Variants in NTSR2 observed in about 807,000 individuals in gnomAD.
The protein encoded by NTSR2 is neurotensin receptor 2.
Under a neutral mutation model 24.1 loss-of-function variants are expected in NTSR2, and 22 were observed. The observed-to-expected ratio is 0.91, with a 90% confidence interval of 0.65 to 1.30. NTSR2 has a LOEUF of 1.30. Ranked by LOEUF, NTSR2 falls within the 50% of genes most tolerant of loss-of-function variation. NTSR2 has a pLI of 0.00. For missense variants in NTSR2, 570 were observed against 570.4 expected (o/e 1.00, Z 0.01); for synonymous variants, 291 against 267.0 (o/e 1.09, Z -0.88).
intron 2 of NTSR2, 57 bp from the exon 3 acceptor site, chr2:11,660,190 T>C: frequency 7.4e-7 from 1 of 1,360,498 alleles, no homozygotes. Flanking sequence ...ACATTCTCAG[T>C]TACACCATTG....
rs540167888 is a variant in NTSR2 at position 11,667,220 on chromosome 2, C to A, written c.624+2286G>T. Among the ~76,000 whole-genome samples the A allele has an allele frequency of 1.1e-4, 17 of 152,326 alleles. No individual in the cohort carries two copies. In the South Asian group the frequency reaches 2.9e-3, roughly 26 times the overall value. On this transcript the variant is annotated intron_variant, in intron 1 of 3. Transcript: ENST00000306928. ...TCCTTGCTTCAATTTTTTATTTTGG[C>A]TGAAGTTGCCTCCAGTTCTGTTTCC...
Position 11,658,370 on chromosome 2 carries a change from TCGC to T in NTSR2, c.*106_*108del. 1 of 1,453,580 alleles carries T rather than the reference TCGC, an allele frequency of 6.9e-7. No homozygotes were observed. Among genetic ancestry groups the T allele is most frequent in the South Asian group, 1.4e-5 (1 of 72,296 alleles). The allele number at this position is 1,453,580 out of a possible 1,614,324, so 90.0% of individuals were successfully genotyped here. A position where few individuals can be genotyped will look rare whatever the true frequency, so the allele number is the denominator to read the frequency against. On this transcript the variant is annotated 3_prime_UTR_variant, in exon 4 of 4. Transcript: ENST00000306928. ...TCAGCAGAGCAGGGGTTGATAGAAG[TCGC>T]CCTGGCTGCGAAGCTTGAATGATTA...
chr2:11,669,459 C>CGGGGGGGGGGGGGGGGGGGG, intron 1 of NTSR2, 47 bp downstream of exon 1: 125 of 337,868 alleles, frequency 3.7e-4, no homozygotes, highest in East Asian at 7.7e-4. Flanking sequence ...CTCCCAGCAC[C>CGGGGGGGGGGGGGGGGGGGG]GCCCCCCCAC....
intron 1 of NTSR2, among the ~76,000 whole-genome samples, chr2:11,666,757 G>T (rs1175276923): frequency 6.6e-6 from 1 of 152,106 alleles, no homozygotes; most frequent in Non-Finnish European, 1.5e-5. Flanking sequence ...TTAAAGAGAG[G>T]CCAGGGGTGG....
chr2:11,666,565 G>A (rs1355111521), intron 1 of NTSR2, among the ~76,000 whole-genome samples: 4 of 152,118 alleles, frequency 2.6e-5, no homozygotes, highest in Non-Finnish European at 5.9e-5. Context: ...TGGGCGTGGT[G>A]GCACGTGCCT....
intron 3 of NTSR2, among the ~76,000 whole-genome samples, chr2:11,659,687 G>T (rs117237899): frequency 6.6e-6 from 1 of 152,182 alleles, no homozygotes; most frequent in African/African-American, 2.4e-5. Context: ...TCGCACCTTT[G>T]TGTCTTCCTC....
intron 1 of NTSR2, among the ~76,000 whole-genome samples, chr2:11,666,616 T>C (rs1169758098): frequency 6.6e-6 from 1 of 152,138 alleles, no homozygotes; most frequent in Non-Finnish European, 1.5e-5. Context: ...GGAGAATCGC[T>C]TGAACCCAGA....
intron 2 of NTSR2, among the ~76,000 whole-genome samples, chr2:11,661,697 CACTGAAA>C (rs1001778841): frequency 6.6e-6 from 1 of 152,348 alleles, no homozygotes; most frequent in African/African-American, 2.4e-5. Flanking sequence ...CCGCCAGACT[CACTGAAA>C]AGTGGTCAGG....
intron 1 of NTSR2, 47 bp downstream of exon 1, chr2:11,669,459 C>CGGGGGGGGGGGGGGGGGGGGGGGGG: frequency 5.6e-5 from 19 of 337,880 alleles, no homozygotes; most frequent in East Asian, 8.5e-5. Context: ...CTCCCAGCAC[C>CGGGGGGGGGGGGGGGGGGGGGGGGG]GCCCCCCCAC....
chr2:11,658,403 T>G lies in NTSR2; in HGVS notation c.*76A>C, dbSNP rs1660977805. 117 of 1,513,882 alleles carry G rather than the reference T, an allele frequency of 7.7e-5. No homozygotes were observed. The highest frequency in any genetic ancestry group is 9.2e-5 in the Non-Finnish European group (104 of 1,129,364). 93.8% of individuals were successfully genotyped at this position (1,513,882 alleles called of 1,614,324 possible). A position where few individuals can be genotyped will look rare whatever the true frequency, so the allele number is the denominator to read the frequency against. On this transcript the variant is annotated 3_prime_UTR_variant, in exon 4 of 4. Transcript: ENST00000306928. ...GCTGCGAAGCTTGAATGATTAGTGA[T>G]GAGGTTGCTCACCTGCTTTGCCAGG...
At chr2:11,669,460 G>GGGGGGGGGGGGGGGGGGGCCCC in intron 1 of NTSR2, 46 bp downstream of exon 1, 2 of 254,722 alleles carry the variant, frequency 7.9e-6, no homozygotes, top group East Asian at 5.5e-5. Context: ...TCCCAGCACC[G>GGGGGGGGGGGGGGGGGGGCCCC]CCCCCCCACC....
rs1184751921 is a variant in NTSR2, at chr2:11,658,259, A to T, written c.*220T>A. The T allele has an allele frequency of 2.0e-5, 10 of 494,644 alleles. No homozygotes were observed. In the East Asian group the frequency reaches 3.1e-4, roughly 15 times the overall value. The allele number at this position is 494,644 out of a possible 1,614,324, so 30.6% of individuals were successfully genotyped here. A position where few individuals can be genotyped will look rare whatever the true frequency, so the allele number is the denominator to read the frequency against. On this transcript the variant is annotated 3_prime_UTR_variant, in exon 4 of 4. Transcript: ENST00000306928. Reference sequence around the variant, plus strand: ...CTTTAGTCTCAGGCAACACTAAGAGATGGGTGCTGTTCTTTATCTCCACTA... The same window carrying T: ...CTTTAGTCTCAGGCAACACTAAGAGTTGGGTGCTGTTCTTTATCTCCACTA...
intron 1 of NTSR2, among the ~76,000 whole-genome samples, chr2:11,662,869 G>A (rs951931023): frequency 3.3e-5 from 5 of 152,220 alleles, no homozygotes; most frequent in Non-Finnish European, 7.3e-5. Context: ...CAGAAGAATC[G>A]ATGGAAATAG....
chr2:11,659,498 C>T (rs1466434961), intron 3 of NTSR2, among the ~76,000 whole-genome samples: 1 of 152,224 alleles, frequency 6.6e-6, no homozygotes, highest in African/African-American at 2.4e-5. Context: ...TGTCACATGG[C>T]TCTTTCTGTG....
At chr2:11,666,426 C>T (rs542508785) in intron 1 of NTSR2, among the ~76,000 whole-genome samples, 8 of 152,244 alleles carry the variant, frequency 5.3e-5, no homozygotes, top group African/African-American at 9.6e-5. Context: ...CTAGGCCGGG[C>T]GTGGTGGCTC....
chr2:11,668,061 G>T (rs1661242606), intron 1 of NTSR2, among the ~76,000 whole-genome samples: 3 of 152,192 alleles, frequency 2.0e-5, no homozygotes, highest in Admixed American at 1.3e-4. Context: ...GGACTGTGGG[G>T]CATGCTCAAT....
Position 11,670,023 on chromosome 2 carries a change from G to A in NTSR2, c.107C>T (p.Thr36Ile). Residue 36 changes from threonine (T) to isoleucine (I), a missense_variant, in exon 1 of 4, where the codon ACC becomes ATC. By Grantham distance (89) the Thr-to-Ile change is moderately conservative (BLOSUM62 -1). Coordinates refer to ENST00000306928, the MANE Select transcript of NTSR2 (RefSeq NM_012344.4). ...CGCCCAGATGAGTGCGTAGAGCGCG[G>A]TGAACAGCACCTTGGCCCAGAGGCG... Reference protein sequence around the residue: ...DTRLWAKVLFTALYALIWALG... With the variant: ...DTRLWAKVLFIALYALIWALG... 1 of 1,516,986 alleles carries A rather than the reference G, an allele frequency of 6.6e-7. No individual in the cohort carries two copies. Among genetic ancestry groups the A allele is most frequent in the Non-Finnish European group, 8.8e-7 (1 of 1,138,026 alleles). The allele number at this position is 1,516,986 out of a possible 1,614,324, so 94.0% of individuals were successfully genotyped here. A position where few individuals can be genotyped will look rare whatever the true frequency, so the allele number is the denominator to read the frequency against.
intron 1 of NTSR2, 46 bp downstream of exon 1, chr2:11,669,460 G>GGGGGGGGGGGGGGGGCCCCCCC: frequency 4.3e-5 from 11 of 254,720 alleles, no homozygotes; most frequent in Non-Finnish European, 6.9e-5. Context: ...TCCCAGCACC[G>GGGGGGGGGGGGGGGGCCCCCCC]CCCCCCCACC....
intron 1 of NTSR2, among the ~76,000 whole-genome samples, chr2:11,668,293 C>A (rs1441547947): frequency 6.6e-6 from 1 of 152,158 alleles, no homozygotes; most frequent in Non-Finnish European, 1.5e-5. Context: ...CAGACACGAA[C>A]AAAGGTGGGA....
Sources: gnomAD v4.1 joint callset for allele counts (sites outside exome capture counted in the v4.1 genomes callset) on GRCh38, gnomAD v4.1.1 for gene constraint, MANE v1.5 for transcripts, NCBI Gene and HGNC (gene_info 2026-07-23, HGNC 2026-07-21) for gene names.